NCS1: variants seen among roughly 807,000 people sequenced by gnomAD.
NCS1 encodes the protein frequenin homolog.
NCS1 carries 6 observed loss-of-function variants against 28.4 expected under a neutral mutation model. That is an observed-to-expected ratio of 0.21 (90% CI 0.12 to 0.42). The LOEUF (loss-of-function observed/expected upper bound fraction) is 0.42, where lower values mean the gene tolerates loss of function less well. Ranked by LOEUF, NCS1 falls within the 10% of genes least tolerant of loss-of-function variation. NCS1 has a pLI of 1.00. For missense variants in NCS1, 131 were observed against 241.4 expected (o/e 0.54, Z 3.03); for synonymous variants, 86 against 99.3 (o/e 0.87, Z 0.79).
At chr9:130,228,580 G>C (rs1172705627) in intron 7 of NCS1, among the ~76,000 whole-genome samples, 6 of 151,610 alleles carry the variant, frequency 4.0e-5, no homozygotes, top group Admixed American at 3.9e-4. Flanking sequence ...ACTCCACTTT[G>C]CTGTGATGTG....
At chr9:130,173,210 G>A (rs1832514752) in intron 1 of NCS1, among the ~76,000 whole-genome samples, 1 of 151,618 alleles carries the variant, frequency 6.6e-6, no homozygotes, top group Admixed American at 6.6e-5. Flanking sequence ...GGGGGGGGGG[G>A]TGGCGAGACT....
chr9:130,197,509 C>G (rs757125666), intron 1 of NCS1, among the ~76,000 whole-genome samples: 1 of 152,172 alleles, frequency 6.6e-6, no homozygotes, highest in Non-Finnish European at 1.5e-5. Context: ...CTCTCCACCC[C>G]GGCTCAGCTT....
intron 5 of NCS1, 33 bp downstream of exon 5, chr9:130,222,771 G>T (rs782340113): frequency 6.9e-6 from 11 of 1,597,140 alleles, no homozygotes; most frequent in Non-Finnish European, 9.4e-6. Flanking sequence ...GTTAGGGGTG[G>T]CAGGAGGGGC....
At chr9:130,173,343 C>CT (rs1832516723) in intron 1 of NCS1, among the ~76,000 whole-genome samples, 1 of 152,178 alleles carries the variant, frequency 6.6e-6, no homozygotes, top group Admixed American at 6.5e-5. Flanking sequence ...AAGTGGGTTT[C>CT]TACAGCCCGG....
chr9:130,173,035 G>A (rs542970125), intron 1 of NCS1, among the ~76,000 whole-genome samples: 489 of 152,248 alleles, frequency 3.2e-3, no homozygotes, highest in Admixed American at 5.0e-3. Flanking sequence ...TGTCCCAACG[G>A]GCAGGGGCTG....
At position 130,207,124 on chromosome 9, in the gene NCS1, C is replaced by A. The variant is rs557178894; in HGVS notation, c.89+6142C>A. Among the ~76,000 whole-genome samples, 6 of 152,346 alleles carry A rather than the reference C, an allele frequency of 3.9e-5. No homozygotes were observed. The South Asian group carries it at 1.2e-3, about 32-fold the overall frequency. ...TCCTGAATCTGATCCCAGCCCCTGG[C>A]CACACGGGTCCGAGCCCCTGGTCTG... is the stretch of plus-strand genomic sequence containing the variant. On this transcript the variant is annotated intron_variant, in intron 2 of 7. Coordinates refer to ENST00000372398, the MANE Select transcript of NCS1 (RefSeq NM_014286.4).
At chr9:130,205,909 G>A (rs1833018536) in intron 2 of NCS1, among the ~76,000 whole-genome samples, 2 of 152,000 alleles carry the variant, frequency 1.3e-5, no homozygotes, top group Admixed American at 6.5e-5. Flanking sequence ...TGTGTCTCAA[G>A]TAAATATCCT....
At chr9:130,176,769 G>C (rs1554904690) in intron 1 of NCS1, among the ~76,000 whole-genome samples, 9 of 152,248 alleles carry the variant, frequency 5.9e-5, no homozygotes. Context: ...GGAGACAGAG[G>C]AGTGGACCAG....
chr9:130,224,864 T>C (rs372335883), intron 6 of NCS1, among the ~76,000 whole-genome samples: 35 of 152,198 alleles, frequency 2.3e-4, no homozygotes, highest in African/African-American at 8.0e-4. Flanking sequence ...ATAATGACGT[T>C]AGGGAAATCC....
At chr9:130,200,732 CACCGGGAAGGGG>C in intron 1 of NCS1, 3 of 1,466,642 alleles carry the variant, frequency 2.0e-6, no homozygotes, top group Non-Finnish European at 2.8e-6. Context: ...AGCACTTGGG[CACCGGGAAGGGG>C]TGGGGCCAGT....
At chr9:130,197,555 G>C (rs1160713704) in intron 1 of NCS1, among the ~76,000 whole-genome samples, 1 of 152,192 alleles carries the variant, frequency 6.6e-6, no homozygotes, top group African/African-American at 2.4e-5. Context: ...CTCAGCAGGG[G>C]GCTGGGGTTT....
intron 1 of NCS1, among the ~76,000 whole-genome samples, chr9:130,198,717 G>A (rs1832905507): frequency 6.6e-6 from 1 of 152,224 alleles, no homozygotes; most frequent in Non-Finnish European, 1.5e-5. Context: ...GAAAACTGAG[G>A]CTCAGTCAGG....
chr9:130,198,419 T>C (rs7871975), intron 1 of NCS1, among the ~76,000 whole-genome samples: 127,635 of 152,152 alleles, frequency 0.84, 53,643 homozygotes, highest in East Asian at 0.95. Flanking sequence ...TGCCACCCAG[T>C]TCCTGCTGTT....
intron 1 of NCS1, among the ~76,000 whole-genome samples, chr9:130,190,032 A>AAGAGAGAGAGAGAGAGAGAGAGAG (rs34529294): frequency 1.1e-4 from 13 of 120,504 alleles, no homozygotes; most frequent in African/African-American, 3.0e-4. Context: ...ATGTTTATGC[A>AAGAGAGAGAGAGAGAGAGAGAGAG]AGAGAGAGAG....
At chr9:130,224,020 G>A (rs72761213) in intron 6 of NCS1, among the ~76,000 whole-genome samples, 80,673 of 151,358 alleles carry the variant, frequency 0.53, 23,515 homozygotes, top group East Asian at 0.83. Flanking sequence ...CTAATTTTTT[G>A]TATTTTTAGT....
Position 130,177,444 on chromosome 9 carries a change from T to C in NCS1, c.64+4717T>C, listed in dbSNP as rs1554904729. Among the ~76,000 whole-genome samples the C allele has an allele frequency of 6.6e-6, 1 of 151,950 alleles. No homozygotes were observed. The highest frequency in any genetic ancestry group is 1.5e-5 in the Non-Finnish European group (1 of 67,956). On this transcript the variant is annotated intron_variant, in intron 1 of 7. Coordinates refer to ENST00000372398, the MANE Select transcript of NCS1 (RefSeq NM_014286.4). This position sits in a 1 kb window ranked among gnomAD's most constrained non-coding sequence, Gnocchi z 4.4. ...GGAGGGCCCACAGCCAGGCACAGGG[T>C]GAGCCACAAGGAGAGGAAAGGACCA... is the stretch of plus-strand genomic sequence containing the variant.
chr9:130,218,008 C>T, intron 3 of NCS1, 38 bp downstream of exon 3: 1 of 1,613,398 alleles, frequency 6.2e-7, no homozygotes, highest in Middle Eastern at 1.7e-4. Flanking sequence ...GCAGCTGGCT[C>T]AGCTCCTGTG....
In NCS1 at chr9:130,219,759, C is replaced by T. The variant is rs781937299; in HGVS notation, c.263C>T (p.Ala88Val). ...ATTGAGTTCTCCGAGTTCATCCAGG[C>T]GCTGTCGGTGACCTCACGGGGAACC... ...GRIEFSEFIQALSVTSRGTLD... is the reference protein window; with the variant it reads ...GRIEFSEFIQVLSVTSRGTLD... Residue 88 changes from alanine to valine, a missense_variant, in exon 4 of 8, where the codon GCG (alanine) becomes GTG (valine). By Grantham distance (64) the Ala-to-Val change is moderately conservative. This residue lies in a region of NCS1 where 100 missense variants were observed against 210.3 expected (regional missense o/e 0.48). Coordinates refer to ENST00000372398, the MANE Select transcript of NCS1 (RefSeq NM_014286.4). This position sits in a 1 kb window ranked among gnomAD's most constrained non-coding sequence, Gnocchi z 5.7. 8 of 1,614,132 alleles carry T rather than the reference C, an allele frequency of 5.0e-6. No homozygotes were observed. The highest frequency in any genetic ancestry group is 5.9e-6 in the Non-Finnish European group (7 of 1,180,050).
chr9:130,198,340 G>C (rs1554907065), intron 1 of NCS1, among the ~76,000 whole-genome samples: 1 of 152,176 alleles, frequency 6.6e-6, no homozygotes, highest in Non-Finnish European at 1.5e-5. Context: ...AGGGAGAGTG[G>C]GACTTCGGAG....
Sources: gnomAD v4.1 joint callset for allele counts (sites outside exome capture counted in the v4.1 genomes callset) on GRCh38, gnomAD v4.1.1 for gene constraint, gnomAD v4.1.1 regional missense constraint, Gnocchi (gnomAD v3.1) non-coding constraint, MANE v1.5 for transcripts, NCBI Gene and HGNC (gene_info 2026-07-23, HGNC 2026-07-21) for gene names.